CCDC22: variants seen among roughly 807,000 people sequenced by gnomAD.
The protein encoded by CCDC22 is CCC complex scaffolding subunit CCDC22.
In CCDC22, 4 loss-of-function variants were observed where a neutral mutation model predicts 53.1. That is an observed-to-expected ratio of 0.08 (90% CI 0.04 to 0.17). CCDC22 has a LOEUF of 0.17. CCDC22 is among the 10% of genes least tolerant of loss of function. CCDC22 has a pLI of 1.00. For missense variants in CCDC22, 458 were observed against 554.0 expected, an observed-to-expected ratio of 0.83 and a Z score of 1.74; for synonymous variants, 222 against 224.4, an observed-to-expected ratio of 0.99 and a Z score of 0.10.
rs2066012482 is a variant in CCDC22, at chrX:49,249,533, C to T, written c.1660C>T (p.Arg554Trp). 3.4e-6 allele frequency: 4 copies of T among 1,179,003 alleles called. No homozygotes were observed. Among genetic ancestry groups the T allele is most frequent in the Non-Finnish European group, 4.5e-6 (4 of 881,197 alleles). Residue 554 changes from arginine (R) to tryptophan (W), a missense_variant, in exon 15 of 17, where the codon CGG (arginine) becomes TGG (tryptophan). This residue lies in a region of CCDC22 where 48 missense variants were observed against 83.4 expected (regional missense o/e 0.58). Transcript: ENST00000376227. ...GGATGCCAAGAAGGACGATGCTGTTCGGAAGGCCTATAAGTATCTAGCTGC... is the reference window on the plus strand; with the variant it reads ...GGATGCCAAGAAGGACGATGCTGTTTGGAAGGCCTATAAGTATCTAGCTGC... The part of the protein sequence containing the change: ...FKDAKKDDAV[R>W]KAYKYLAALH...
At chrX:49,250,041 G>A (rs2066017744) in intron 16 of CCDC22, 107 bp from the exon 17 acceptor site, 12 of 511,617 alleles carry the variant, frequency 2.3e-5, no homozygotes, top group Admixed American at 5.7e-5. Context: ...AGAGCAGGCT[G>A]TTGGAGTTGG....
intron 2 of CCDC22, among the ~76,000 whole-genome samples, chrX:49,237,710 C>G (rs1010249888): frequency 9.1e-6 from 1 of 109,400 alleles, no homozygotes; most frequent in South Asian, 4.0e-4. Flanking sequence ...TACTCCTAAA[C>G]TAATCACTCT....
At chrX:49,236,931 A>G (rs1171883695) in intron 1 of CCDC22, 155 bp from the exon 2 acceptor site, 4 of 398,218 alleles carry the variant, frequency 1.0e-5, no homozygotes, top group Non-Finnish European at 1.7e-5. Flanking sequence ...TGGTTTTCCA[A>G]ATGGAAGTCA....
In CCDC22 at chrX:49,242,873, C is replaced by T. The variant is rs782153274; in HGVS notation, c.362-13C>T. On this transcript the variant is annotated splice_polypyrimidine_tract_variant and intron_variant, in intron 3 of 16. Transcript: ENST00000376227. ...CATTGACATCTGATTCACTTCCTCCCTATCCCCCATAGGTGACTCAGCTAT... is the reference window on the plus strand; with the variant it reads ...CATTGACATCTGATTCACTTCCTCCTTATCCCCCATAGGTGACTCAGCTAT... 3 of 1,066,227 alleles carry T rather than the reference C, an allele frequency of 2.8e-6. No homozygotes were observed. The highest frequency in any genetic ancestry group is 3.7e-6 in the Non-Finnish European group (3 of 804,059). 87.9% of individuals were successfully genotyped at this position (1,066,227 alleles called of 1,213,427 possible).
chrX:49,248,232 G>A lies in CCDC22; in HGVS notation c.1134G>A (p.Glu378=). 8.3e-7 allele frequency: 1 copy of A among 1,205,920 alleles called. No homozygotes were observed. Among genetic ancestry groups the A allele is most frequent in the Non-Finnish European group, 1.1e-6 (1 of 895,248 alleles). Residue 378 remains glutamate (E), a synonymous_variant, in exon 10 of 17, where the codon GAG becomes GAA. Coordinates refer to ENST00000376227, the MANE Select transcript of CCDC22 (RefSeq NM_014008.5). The stretch of plus-strand genomic sequence containing the variant: ...GGCACAGCAAGCTCAGTACAGCAGA[G>A]CGTGAGCAGGCCCTGCGCCTGAAGA... ...ECRHSKLSTA[E]REQALRLKSR... is the part of the protein sequence containing the mutation.
intron 7 of CCDC22, chrX:49,247,192 A>G (rs1259323737): frequency 6.9e-6 from 3 of 435,006 alleles, no homozygotes; most frequent in Admixed American, 8.1e-5. Flanking sequence ...TCCTTTGAGC[A>G]TATCTTCTGT....
In CCDC22 at chrX:49,248,447, C is replaced by T. The variant is rs782285649; in HGVS notation, c.1253C>T (p.Ala418Val). The T allele has an allele frequency of 1.7e-5, 20 of 1,208,339 alleles. No individual in the cohort carries two copies. Among genetic ancestry groups the T allele is most frequent in the South Asian group, 5.3e-5 (3 of 56,664 alleles). Residue 418 changes from alanine (A) to valine (V), a missense_variant, in exon 11 of 17, where the codon GCG becomes GTG. Transcript: ENST00000376227. Reference sequence around the variant, plus strand: ...AGTGCCCAGCGGGTCATCCACTTGGCGGGTCAGTGGGAGAAGCACCGGGTC... The same window carrying T: ...AGTGCCCAGCGGGTCATCCACTTGGTGGGTCAGTGGGAGAAGCACCGGGTC... Reference protein sequence around the residue: ...ENSAQRVIHLAGQWEKHRVPL... With the variant: ...ENSAQRVIHLVGQWEKHRVPL...
At chrX:49,237,601 C>T (rs1263391418) in intron 2 of CCDC22, among the ~76,000 whole-genome samples, 4 of 111,311 alleles carry the variant, frequency 3.6e-5, no homozygotes, top group African/African-American at 1.3e-4. Flanking sequence ...TGCACCTGGG[C>T]TGCTCCTGGC....
At chrX:49,236,802 C>T in intron 1 of CCDC22, 1 of 285,937 alleles carries the variant, frequency 3.5e-6, no homozygotes, top group East Asian at 5.3e-5. Context: ...GAGATTGTGC[C>T]ACCTGGACCC....
chrX:49,244,735 T>G (rs900334471), intron 6 of CCDC22, among the ~76,000 whole-genome samples: 5 of 111,340 alleles, frequency 4.5e-5, no homozygotes, highest in African/African-American at 1.6e-4. Context: ...TTGTATTTTT[T>G]GTAGAGATGG....
intron 6 of CCDC22, among the ~76,000 whole-genome samples, chrX:49,244,654 G>A (rs376817282): frequency 1.8e-5 from 2 of 110,788 alleles, no homozygotes; most frequent in Non-Finnish European, 3.8e-5. Context: ...TCAAATTCCC[G>A]GGCTCAAGCA....
chrX:49,241,465 C>T lies in CCDC22; in HGVS notation c.229-551C>T, dbSNP rs182440016. On this transcript the variant is annotated intron_variant, in intron 2 of 16. Transcript: ENST00000376227. ...TCACGCTACTGCACTCCAGCCTGAG[C>T]GACAGAGCGAGACCCTGTCTCAAAA... Among the ~76,000 whole-genome samples, 405 of 89,735 alleles carry T rather than the reference C, an allele frequency of 4.5e-3. 5 individuals are homozygous for T. Among genetic ancestry groups the T allele is most frequent in the African/African-American group, 0.016 (372 of 23,525 alleles). The allele number at this position is 89,735 out of a possible 115,157, so 77.9% of individuals were successfully genotyped here. A position where few individuals can be genotyped will look rare whatever the true frequency, so the allele number is the denominator to read the frequency against.
Position 49,243,328 on chromosome X carries a change from A to G in CCDC22, c.580A>G (p.Thr194Ala). 4.2e-6 allele frequency: 5 copies of G among 1,203,704 alleles called. No individual in the cohort carries two copies. Among genetic ancestry groups the G allele is most frequent in the Non-Finnish European group, 5.6e-6 (5 of 891,426 alleles). ...QASPLLLPVP[T>A]QVPQPVGRVA... ...GAGTCCCCTGCTGCTTCCAGTCCCT[A>G]CCCAGGTGCCTCAGCCTGTTGGAAG... Residue 194 changes from threonine (T) to alanine (A), a missense_variant, in exon 6 of 17, where the codon ACC becomes GCC. Physicochemically the swap from Thr to Ala is moderately conservative, Grantham distance 58. Coordinates refer to ENST00000376227, the MANE Select transcript of CCDC22 (RefSeq NM_014008.5).
Position 49,237,248 on chromosome X carries a change from G to T in CCDC22, c.213G>T (p.Leu71=). ...CCCGGTTCCGCCTGGCCATGAGCCT[G>T]GCTCAGGCCTGCATGGTGAGTGGCC... The part of the protein sequence containing the change: ...MSARFRLAMS[L]AQACMDLGYP... The change falls in exon 2 of 17, where the codon CTG becomes CTT. Residue 71 remains leucine, a synonymous_variant. Coordinates refer to ENST00000376227, the MANE Select transcript of CCDC22 (RefSeq NM_014008.5). 1 of 1,207,325 alleles carries T rather than the reference G, an allele frequency of 8.3e-7. No homozygotes were observed.
At chrX:49,243,785 A>C (rs1049029720) in intron 6 of CCDC22, among the ~76,000 whole-genome samples, 4 of 112,297 alleles carry the variant, frequency 3.6e-5, no homozygotes, top group African/African-American at 6.5e-5. Flanking sequence ...ACCTGCCTTC[A>C]TCATTCATTA....
Position 49,250,405 on chromosome X carries a change from C to T in CCDC22, c.*144C>T, listed in dbSNP as rs1254380555. On this transcript the variant is annotated 3_prime_UTR_variant, in exon 17 of 17. Transcript: ENST00000376227. The stretch of plus-strand genomic sequence containing the variant: ...TGGACCCAGACCCCTGCCCACTGAC[C>T]GCAACCCTTATATGGGGTGATAGTC... 6.4e-5 allele frequency: 33 copies of T among 513,255 alleles called. No individual in the cohort carries two copies. Among genetic ancestry groups the T allele is most frequent in the Admixed American group, 4.5e-4 (17 of 37,630 alleles). The allele number at this position is 513,255 out of a possible 1,213,427, so 42.3% of individuals were successfully genotyped here.
chrX:49,249,608 T>A, intron 15 of CCDC22, 40 bp downstream of exon 15: 1 of 92,461 alleles, frequency 1.1e-5, no homozygotes, highest in Non-Finnish European at 2.0e-5. Flanking sequence ...CTGCTGGGGG[T>A]GGGTGGGACT....
At chrX:49,239,981 G>A (rs2065955590) in intron 2 of CCDC22, among the ~76,000 whole-genome samples, 1 of 109,785 alleles carries the variant, frequency 9.1e-6, no homozygotes, top group South Asian at 3.9e-4. Flanking sequence ...TGGGCACGTT[G>A]GCTCTTGCAT....
chrX:49,235,939 C>G (rs1486995177), intron 1 of CCDC22, among the ~76,000 whole-genome samples: 4 of 108,793 alleles, frequency 3.7e-5, no homozygotes, highest in Non-Finnish European at 7.6e-5. Flanking sequence ...TTTGGTACAC[C>G]CAAAGCTCTG....
Sources: gnomAD v4.1 joint callset for allele counts (sites outside exome capture counted in the v4.1 genomes callset) on GRCh38, gnomAD v4.1.1 for gene constraint, gnomAD v4.1.1 regional missense constraint, MANE v1.5 for transcripts, NCBI Gene and HGNC (gene_info 2026-07-23, HGNC 2026-07-21) for gene names.